The following ANK1 variants were observed in gnomAD, a reference collection of about 807,000 sequenced individuals.
ANK1 encodes ankyrin-1.
ANK1 carries 51 observed loss-of-function variants against 210.4 expected under a neutral mutation model. That is an observed-to-expected ratio of 0.24 (90% CI 0.19 to 0.31). The LOEUF (loss-of-function observed/expected upper bound fraction) is 0.31, where lower values mean the gene tolerates loss of function less well. Among genes scored for constraint, ANK1 ranks in the 10% least tolerant of loss-of-function variants. The pLI, the probability that ANK1 is intolerant of heterozygous loss-of-function variation, is 1.00. For missense variants in ANK1, 2,051 were observed against 2,504.4 expected (o/e 0.82, Z 3.86); for synonymous variants, 967 against 1,025.9 (o/e 0.94, Z 1.10).
In ANK1 at chr8:41,663,713, C is replaced by T; in HGVS notation, c.5424G>A (p.Glu1808=). 1 of 1,614,104 alleles carries T rather than the reference C, an allele frequency of 6.2e-7. No homozygotes were observed. The highest frequency in any genetic ancestry group is 1.1e-5 in the South Asian group (1 of 91,080). The part of the protein sequence containing the change: ...QGNEFQNIPG[E]QVTEEQFTDE... ...CCGTGAATTGCTCCTCTGTCACCTG[C>T]TCCCCTGGAATATTCTGAAACTCAT... Residue 1808 remains glutamate, a synonymous_variant, in exon 40 of 43, where the codon GAG becomes GAA. Coordinates refer to ENST00000289734, the MANE Select transcript of ANK1 (RefSeq NM_000037.4).
intron 37 of ANK1, among the ~76,000 whole-genome samples, chr8:41,678,994 C>A (rs527600559): frequency 9.9e-5 from 15 of 152,252 alleles, no homozygotes; most frequent in African/African-American, 3.6e-4. Context: ...CCATGTTGGC[C>A]AGGCTGGTCT....
intron 3 of ANK1, among the ~76,000 whole-genome samples, chr8:41,729,928 C>T (rs560750565): frequency 3.3e-5 from 5 of 152,300 alleles, no homozygotes; most frequent in Admixed American, 6.5e-5. Context: ...TCAAATAGGG[C>T]GAGTGGAGAA....
At chr8:41,769,065 C>G (rs1842472314) in intron 1 of ANK1, among the ~76,000 whole-genome samples, 1 of 152,116 alleles carries the variant, frequency 6.6e-6, no homozygotes, top group African/African-American at 2.4e-5. Context: ...AGGGGGCATC[C>G]CAAGGAAGTG....
chr8:41,784,292 C>T (rs1055796999), intron 1 of ANK1, among the ~76,000 whole-genome samples: 4 of 152,176 alleles, frequency 2.6e-5, no homozygotes, highest in Admixed American at 6.5e-5. Context: ...CCTCCTGGTG[C>T]CCAGGAACTA....
chr8:41,884,466 C>T (rs1020789639), intron 1 of ANK1, among the ~76,000 whole-genome samples: 2 of 152,160 alleles, frequency 1.3e-5, no homozygotes, highest in African/African-American at 4.8e-5. Context: ...ATCCAGCGTC[C>T]CTCAGGACAG....
chr8:41,663,777 G>T (rs752870311), intron 39 of ANK1, 35 bp from the exon 40 acceptor site: 3 of 1,534,582 alleles, frequency 2.0e-6, no homozygotes. Context: ...TGCAAGATTG[G>T]TGAGTGGGAG....
intron 39 of ANK1, chr8:41,664,228 T>TC (rs1210388776): frequency 1.8e-5 from 8 of 454,492 alleles, no homozygotes; most frequent in African/African-American, 1.4e-4. Context: ...TCCCAGCACT[T>TC]TGGGAGGCCA....
intron 35 of ANK1, 126 bp from the exon 36 acceptor site, chr8:41,686,409 G>T (rs1247771407): frequency 1.2e-5 from 15 of 1,236,072 alleles, no homozygotes; most frequent in Non-Finnish European, 1.8e-5. Flanking sequence ...GGAGCTCTGA[G>T]GCAGCCTCCC....
In ANK1 at chr8:41,704,166, G is replaced by C; in HGVS notation, c.2197-27C>G. The stretch of plus-strand genomic sequence containing the variant: ...TGCAAAGTGAGCAGACATTTAGGCA[G>C]GGTTAGCCAGCCACTAGACAGAGAC... On this transcript the variant is annotated intron_variant, in intron 19 of 42. Transcript: ENST00000289734. The surrounding 1 kb of genome is among the most constrained non-coding windows in gnomAD (Gnocchi z 4.1). 6.2e-7 allele frequency: 1 copy of C among 1,602,672 alleles called. No individual in the cohort carries two copies.
At chr8:41,662,643 C>G (rs1202644857) in intron 40 of ANK1, among the ~76,000 whole-genome samples, 3 of 152,220 alleles carry the variant, frequency 2.0e-5, no homozygotes, top group Non-Finnish European at 4.4e-5. Flanking sequence ...AAACCCTTTA[C>G]TCTGTATCTG....
At chr8:41,735,913 G>A (rs750964147) in intron 2 of ANK1, among the ~76,000 whole-genome samples, 2 of 152,024 alleles carry the variant, frequency 1.3e-5, no homozygotes, top group Non-Finnish European at 2.9e-5. Context: ...GGGCAGCCCT[G>A]CACCCTTGCC....
At chr8:41,702,942 C>T (rs1455783341) in intron 20 of ANK1, among the ~76,000 whole-genome samples, 1 of 152,028 alleles carries the variant, frequency 6.6e-6, no homozygotes, top group Non-Finnish European at 1.5e-5. Context: ...GCCTCAGCCT[C>T]CCGAGTAGCT....
intron 1 of ANK1, chr8:41,789,198 T>C (rs1440347044): frequency 6.6e-6 from 1 of 152,262 alleles, no homozygotes. Context: ...TATTCCATAC[T>C]TTCTGTTGGC....
intron 1 of ANK1, among the ~76,000 whole-genome samples, chr8:41,792,715 G>A (rs987929794): frequency 6.6e-6 from 1 of 152,156 alleles, no homozygotes; most frequent in East Asian, 1.9e-4. Context: ...TGCAATGAGA[G>A]TTCAGAGGAA....
intron 1 of ANK1, among the ~76,000 whole-genome samples, chr8:41,785,939 G>C (rs2111805): frequency 0.79 from 120,496 of 152,148 alleles, 48,579 homozygotes; most frequent in African/African-American, 0.88. Flanking sequence ...TGTCATCAGC[G>C]GTACTCTCCG....
chr8:41,723,797 T>TA (rs1449918213), intron 7 of ANK1, among the ~76,000 whole-genome samples, 164 bp from the exon 8 acceptor site: 48 of 150,324 alleles, frequency 3.2e-4, no homozygotes, highest in African/African-American at 1.2e-3. Flanking sequence ...TTTTTATTTT[T>TA]TTTTTTTTTT....
At chr8:41,695,712 C>G (rs1303647979) in intron 26 of ANK1, among the ~76,000 whole-genome samples, 2 of 152,260 alleles carry the variant, frequency 1.3e-5, no homozygotes, top group African/African-American at 4.8e-5. Flanking sequence ...ACTTTGAGGA[C>G]AAAGAAACGT....
chr8:41,691,824 G>A (rs528750274), intron 31 of ANK1, among the ~76,000 whole-genome samples: 1 of 152,258 alleles, frequency 6.6e-6, no homozygotes, highest in South Asian at 2.1e-4. Flanking sequence ...CCATAAATAT[G>A]AGAATTAAAT....
chr8:41,664,288 A>G (rs1199270325), intron 39 of ANK1: 1 of 399,776 alleles, frequency 2.5e-6, no homozygotes, highest in Non-Finnish European at 4.9e-6. Flanking sequence ...TTTGGGCAAC[A>G]TAGCGAGCCC....
Sources: allele counts gnomAD v4.1 joint callset (sites outside exome capture counted in the v4.1 genomes callset), GRCh38; gene constraint gnomAD v4.1.1; non-coding constraint Gnocchi (gnomAD v3.1); transcripts MANE v1.5; gene names NCBI Gene and HGNC (gene_info 2026-07-23, HGNC 2026-07-21).